Variants in PPFIBP2 observed in about 807,000 individuals in gnomAD.
The protein encoded by PPFIBP2 is liprin-beta-2.
A neutral mutation model predicts 118.3 loss-of-function variants in PPFIBP2; 118 were observed. The observed-to-expected ratio is 1.00, with a 90% CI of 0.86 to 1.16. The LOEUF (loss-of-function observed/expected upper bound fraction) is 1.16, where lower values mean the gene tolerates loss of function less well. Ranked by LOEUF, PPFIBP2 falls within the 50% of genes most tolerant of loss-of-function variation. The pLI is 0.00. For synonymous variants in PPFIBP2, 414 were observed against 397.4 expected, an observed-to-expected ratio of 1.04 and a Z score of -0.50; for missense variants, 1,195 against 1,073.1, an observed-to-expected ratio of 1.11 and a Z score of -1.59.
At chr11:7,602,733 C>A (rs1208004596) in intron 5 of PPFIBP2, among the ~76,000 whole-genome samples, 1 of 152,216 alleles carries the variant, frequency 6.6e-6, no homozygotes, top group African/African-American at 2.4e-5. Context: ...GCCTCTATTT[C>A]TATCCTCCCT....
At chr11:7,614,482 C>G (rs539707522) in intron 6 of PPFIBP2, among the ~76,000 whole-genome samples, 15 of 152,286 alleles carry the variant, frequency 9.8e-5, no homozygotes, top group Admixed American at 2.6e-4. Flanking sequence ...TATTGTTCTA[C>G]CATCCAACAA....
intron 13 of PPFIBP2, among the ~76,000 whole-genome samples, chr11:7,635,017 G>A (rs1480514200): frequency 6.6e-6 from 1 of 152,180 alleles, no homozygotes; most frequent in African/African-American, 2.4e-5. Flanking sequence ...CAGGATGTTG[G>A]AGAGTGAGCT....
At chr11:7,605,957 G>A in intron 5 of PPFIBP2, 2 of 1,534,292 alleles carry the variant, frequency 1.3e-6, no homozygotes, top group Non-Finnish European at 1.7e-6. Flanking sequence ...AGTGGATACT[G>A]AATGGGAAAG....
the PPFIBP2 span, chr11:7,665,046 G>T: frequency 5.1e-6 from 1 of 194,262 alleles, no homozygotes; most frequent in South Asian, 1.2e-4. Context: ...CACAGGCCAG[G>T]CCACGGCCTC....
intron 6 of PPFIBP2, among the ~76,000 whole-genome samples, chr11:7,612,351 C>A (rs1023475579): frequency 6.6e-6 from 1 of 152,100 alleles, no homozygotes; most frequent in African/African-American, 2.4e-5. Context: ...TCTCATTGGG[C>A]CACTTTGGGT....
chr11:7,605,760 C>T, intron 5 of PPFIBP2: 1 of 1,359,964 alleles, frequency 7.4e-7, no homozygotes, highest in Non-Finnish European at 9.4e-7. Context: ...GTTGAGTGAG[C>T]AAGTGGGACA....
chr11:7,626,105 TCATTCCCATGGAAC>T (rs562493914), intron 8 of PPFIBP2, among the ~76,000 whole-genome samples: 35 of 152,350 alleles, frequency 2.3e-4, no homozygotes, highest in Non-Finnish European at 4.4e-4. Flanking sequence ...TCTTGTGGAA[TCATTCCCATGGAAC>T]CCTCCCCTAA....
the PPFIBP2 span, among the ~76,000 whole-genome samples, chr11:7,663,135 T>C: frequency 1.5e-5 from 2 of 131,322 alleles, 1 homozygote. Flanking sequence ...TCTGAAGCCT[T>C]CTTCTCTCAG....
intron 3 of PPFIBP2, chr11:7,577,711 G>A (rs1282046791): frequency 8.8e-6 from 4 of 455,628 alleles, no homozygotes; most frequent in Non-Finnish European, 1.8e-5. Context: ...GTGTTTTGGG[G>A]TGTGTGTGCC....
At chr11:7,618,756 A>T (rs145690363) in intron 6 of PPFIBP2, among the ~76,000 whole-genome samples, 1,639 of 151,278 alleles carry the variant, frequency 0.011, 32 homozygotes, top group African/African-American at 0.038. Context: ...TAACTTTTGT[A>T]TTTTTAGTAG....
At chr11:7,643,524 T>C (rs1052443861) in intron 17 of PPFIBP2, among the ~76,000 whole-genome samples, 1 of 152,238 alleles carries the variant, frequency 6.6e-6, no homozygotes, top group African/African-American at 2.4e-5. Flanking sequence ...CAAATGTCTT[T>C]GTGCTTTATG....
At chr11:7,637,261 C>T (rs937830051) in intron 14 of PPFIBP2, among the ~76,000 whole-genome samples, 4 of 152,184 alleles carry the variant, frequency 2.6e-5, no homozygotes, top group African/African-American at 9.7e-5. Context: ...TGCCCTGGAC[C>T]AGACTTGGAG....
rs1353569244 is a variant in PPFIBP2 at position 7,648,890 on chromosome 11, C to A, written c.1888C>A (p.Leu630Ile). ...CAAACAGGAGGAGAAGTCTGCACTG[C>A]TAGACCACATTTGGGTGACAAGTAA... is the stretch of plus-strand genomic sequence containing the variant. The part of the protein sequence containing the change: ...NTKQEEKSAL[L>I]DHIWVTRWLD... Residue 630 changes from leucine (L) to isoleucine (I), a missense_variant, in exon 19 of 24, where the codon CTA (leucine) becomes ATA (isoleucine). Transcript: ENST00000299492. The A allele has an allele frequency of 6.2e-7, 1 of 1,613,912 alleles. No individual in the cohort carries two copies. The highest frequency in any genetic ancestry group is 8.5e-7 in the Non-Finnish European group (1 of 1,179,816).
At chr11:7,547,160 G>A (rs188582776) in intron 1 of PPFIBP2, among the ~76,000 whole-genome samples, 33 of 152,370 alleles carry the variant, frequency 2.2e-4, no homozygotes, top group African/African-American at 6.5e-4. Flanking sequence ...GCTGCTTTAC[G>A]TGGTGCCGGG....
chr11:7,622,251 A>G (rs1014339293), intron 7 of PPFIBP2, among the ~76,000 whole-genome samples: 5 of 152,176 alleles, frequency 3.3e-5, no homozygotes, highest in Non-Finnish European at 7.3e-5. Flanking sequence ...AAACCACCAG[A>G]TCTCGTGAGA....
At chr11:7,644,189 CAA>C (rs1354462176) in intron 17 of PPFIBP2, among the ~76,000 whole-genome samples, 1 of 152,096 alleles carries the variant, frequency 6.6e-6, no homozygotes, top group African/African-American at 2.4e-5. Context: ...GTAATTGTGA[CAA>C]AGTATTTTTA....
intron 11 of PPFIBP2, chr11:7,631,233 G>A (rs555354127): frequency 6.2e-5 from 33 of 531,914 alleles, no homozygotes; most frequent in African/African-American, 6.1e-4. Flanking sequence ...AGGCAGCATG[G>A]TGGATACTGG....
At chr11:7,645,272 G>C (rs759392142) in intron 17 of PPFIBP2, among the ~76,000 whole-genome samples, 1 of 152,066 alleles carries the variant, frequency 6.6e-6, no homozygotes, top group East Asian at 1.9e-4. Context: ...GTTTAGTTTT[G>C]TTAGGTTTAA....
At chr11:7,602,565 G>T (rs1389062921) in intron 5 of PPFIBP2, among the ~76,000 whole-genome samples, 2 of 152,168 alleles carry the variant, frequency 1.3e-5, no homozygotes, top group African/African-American at 4.8e-5. Flanking sequence ...ACATGGAGCT[G>T]GTGGTCAAAT....
Sources: gnomAD v4.1 joint callset for allele counts (sites outside exome capture counted in the v4.1 genomes callset) on GRCh38, gnomAD v4.1.1 for gene constraint, MANE v1.5 for transcripts, NCBI Gene and HGNC (gene_info 2026-07-23, HGNC 2026-07-21) for gene names.